OPN5: variants seen among roughly 807,000 people sequenced by gnomAD.
The protein encoded by OPN5 is opsin-5.
Under a neutral mutation model 41.7 loss-of-function variants are expected in OPN5, and 18 were observed. The ratio of observed to expected loss-of-function variants is 0.43; its 90% CI spans 0.30 to 0.64. OPN5 has a LOEUF of 0.64. OPN5 is among the 30% of genes least tolerant of loss of function. The probability of loss-of-function intolerance (pLI) is 0.13; values close to 1 mark genes in which losing one functional copy is unlikely to be tolerated. For missense variants in OPN5, 318 were observed against 434.5 expected (o/e 0.73, Z 2.38); for synonymous variants, 178 against 164.3 (o/e 1.08, Z -0.64).
rs1037074594 is a variant in OPN5 at position 47,782,616 on chromosome 6, C to T, written c.130+420C>T. Among the ~76,000 whole-genome samples, 4 of 152,148 alleles carry T rather than the reference C, an allele frequency of 2.6e-5. No homozygotes were observed. The East Asian group carries it at 7.7e-4, about 29-fold the overall frequency. ...AATCTAGGTCAGTCTCCTGTTCTCA[C>T]AACTGTGCAAAACTCAATTGTGCTA... On this transcript the variant is annotated intron_variant, in intron 1 of 6. Transcript: ENST00000371211.
chr6:47,811,735 T>A lies in OPN5; in HGVS notation c.1056+4T>A. On this transcript the variant is annotated splice_donor_region_variant and intron_variant, in intron 6 of 6. Transcript: ENST00000371211. Reference sequence around the variant, plus strand: ...TGTGCTGGAAATTCATGAAGAGGTATGAAGATGGATACAGCATCACTATGG... The same window carrying A: ...TGTGCTGGAAATTCATGAAGAGGTAAGAAGATGGATACAGCATCACTATGG... 2 of 1,602,692 alleles carry A rather than the reference T, an allele frequency of 1.2e-6. No individual in the cohort carries two copies. Among genetic ancestry groups the A allele is most frequent in the Non-Finnish European group, 1.7e-6 (2 of 1,169,832 alleles).
intron 4 of OPN5, among the ~76,000 whole-genome samples, chr6:47,795,776 TCTCA>T (rs1457403036): frequency 1.0e-3 from 106 of 104,142 alleles, no homozygotes; most frequent in African/African-American, 3.1e-3. Flanking sequence ...TCTCTCTCTC[TCTCA>T]CACACACACA....
Position 47,809,132 on chromosome 6 carries a change from T to TG in OPN5, c.998+742dup, listed in dbSNP as rs909743623. Among the ~76,000 whole-genome samples the TG allele has an allele frequency of 8.1e-4, 124 of 152,186 alleles. 1 individual carries two copies. Among genetic ancestry groups the TG allele is most frequent in the Non-Finnish European group, 2.6e-4 (18 of 68,004 alleles). On this transcript the variant is annotated intron_variant, in intron 5 of 6. Coordinates refer to ENST00000371211, the Ensembl canonical transcript of OPN5. ...AAAAGGCTCAGGGTGAGTAAAGACT[T>TG]GGGGGTTATTGGTGGTCTTCTGTGT... is the stretch of plus-strand genomic sequence containing the variant.
intron 4 of OPN5, among the ~76,000 whole-genome samples, chr6:47,805,697 A>G (rs1039298761): frequency 6.6e-6 from 1 of 152,168 alleles, no homozygotes; most frequent in Non-Finnish European, 1.5e-5. Flanking sequence ...TTATGGGAAA[A>G]ACACATCCAA....
At chr6:47,822,806 G>A (rs538464486) in intron 6 of OPN5, among the ~76,000 whole-genome samples, 10 of 152,290 alleles carry the variant, frequency 6.6e-5, no homozygotes, top group African/African-American at 2.2e-4. Flanking sequence ...GTGAAAAAAT[G>A]TTAGTTTGGT....
intron 3 of OPN5, among the ~76,000 whole-genome samples, chr6:47,792,416 A>C (rs1183903626): frequency 6.6e-6 from 1 of 152,210 alleles, no homozygotes; most frequent in Non-Finnish European, 1.5e-5. Context: ...AATTCCAAAA[A>C]GTTCACCTCC....
chr6:47,810,140 C>G (rs942075826), intron 5 of OPN5, among the ~76,000 whole-genome samples: 24 of 152,196 alleles, frequency 1.6e-4, no homozygotes, highest in African/African-American at 5.5e-4. Context: ...GCCGTTTATA[C>G]GAAATATAGC....
At chr6:47,823,821 CTG>C (rs908269308) in intron 6 of OPN5, among the ~76,000 whole-genome samples, 160 bp from the exon 7 acceptor site, 9 of 152,284 alleles carry the variant, frequency 5.9e-5, no homozygotes, top group African/African-American at 2.2e-4. Flanking sequence ...AAAGAGGACT[CTG>C]TGGGTTCGGG....
At chr6:47,788,761 T>C (rs1773270576) in intron 2 of OPN5, among the ~76,000 whole-genome samples, 1 of 138,954 alleles carries the variant, frequency 7.2e-6, no homozygotes, top group Admixed American at 7.5e-5. Flanking sequence ...CGTGTTATAT[T>C]AGGATAACCT....
chr6:47,787,985 C>T (rs1046800082), intron 2 of OPN5, among the ~76,000 whole-genome samples: 2 of 152,180 alleles, frequency 1.3e-5, no homozygotes, highest in Non-Finnish European at 2.9e-5. Context: ...AATAATCCTC[C>T]GCATTCTGAG....
chr6:47,819,765 G>A (rs557923728), intron 6 of OPN5, among the ~76,000 whole-genome samples: 1 of 152,206 alleles, frequency 6.6e-6, no homozygotes, highest in South Asian at 2.1e-4. Context: ...TTCTGAGGTA[G>A]TGAGTCTTAG....
At chr6:47,799,859 A>G (rs1459724121) in intron 4 of OPN5, among the ~76,000 whole-genome samples, 3 of 152,084 alleles carry the variant, frequency 2.0e-5, no homozygotes, top group African/African-American at 7.2e-5. Flanking sequence ...ACTGGCTCTT[A>G]TTTCCATGTA....
downstream of OPN5, chr6:47,825,683 C>T (rs1352400916): frequency 2.0e-5 from 3 of 152,160 alleles, no homozygotes; most frequent in Non-Finnish European, 4.4e-5. Flanking sequence ...ACTGTAGTAG[C>T]ACATCTGGCA....
intron 6 of OPN5, among the ~76,000 whole-genome samples, chr6:47,817,119 T>C (rs1038070068): frequency 3.3e-5 from 5 of 152,020 alleles, no homozygotes; most frequent in Admixed American, 2.6e-4. Context: ...TGAGCCATGA[T>C]TGGAGGTGGC....
intron 6 of OPN5, among the ~76,000 whole-genome samples, chr6:47,822,356 G>A: frequency 6.6e-6 from 1 of 152,104 alleles, no homozygotes; most frequent in East Asian, 1.9e-4. Context: ...GTGGCTAGCA[G>A]GAAGAAAGGA....
intron 4 of OPN5, among the ~76,000 whole-genome samples, chr6:47,800,312 G>C (rs62397906): frequency 6.6e-6 from 1 of 152,120 alleles, no homozygotes; most frequent in Non-Finnish European, 1.5e-5. Context: ...TGAAGGGGTG[G>C]GGATTGCTAT....
chr6:47,783,870 G>C (rs1453936179), intron 1 of OPN5, among the ~76,000 whole-genome samples: 1 of 152,096 alleles, frequency 6.6e-6, no homozygotes, highest in East Asian at 1.9e-4. Flanking sequence ...CACTTTCAAG[G>C]AATGAATTAA....
chr6:47,814,892 A>AAGGC (rs1561904784), intron 6 of OPN5, among the ~76,000 whole-genome samples: 2 of 152,162 alleles, frequency 1.3e-5, no homozygotes, highest in Non-Finnish European at 2.9e-5. Context: ...CATAAAGGAC[A>AAGGC]CTTGGAAAGT....
chr6:47,795,536 C>T (rs1561893793), exon 4 of OPN5: 1 of 1,613,396 alleles, frequency 6.2e-7, no homozygotes, highest in Non-Finnish European at 8.5e-7. Flanking sequence ...TCCATAGCAG[C>T]CATGTGCTGG....
Sources: gnomAD v4.1 joint callset for allele counts (sites outside exome capture counted in the v4.1 genomes callset) on GRCh38, gnomAD v4.1.1 for gene constraint, MANE v1.5 for transcripts, NCBI Gene and HGNC (gene_info 2026-07-23, HGNC 2026-07-21) for gene names.